FBXO38: variants seen among roughly 807,000 people sequenced by gnomAD.
FBXO38 encodes the protein F-box protein 38, also known as F-box only protein 38.
A neutral mutation model predicts 131.9 loss-of-function variants in FBXO38; 53 were observed. That is an observed-to-expected ratio of 0.40 (90% CI 0.32 to 0.51). FBXO38 has a LOEUF of 0.51. FBXO38 is among the 20% of genes least tolerant of loss of function. The probability of loss-of-function intolerance (pLI) is 0.53; values close to 1 mark genes in which losing one functional copy is unlikely to be tolerated. For synonymous variants in FBXO38, 452 were observed against 505.6 expected (o/e 0.89, Z 1.42); for missense variants, 1,076 against 1,475.6 (o/e 0.73, Z 4.44).
Position 148,427,371 on chromosome 5 carries a change from G to C in FBXO38, c.2077G>C (p.Glu693Gln). 1.2e-6 allele frequency: 2 copies of C among 1,613,952 alleles called. No individual in the cohort carries two copies. The highest frequency in any genetic ancestry group is 1.7e-6 in the Non-Finnish European group (2 of 1,179,986). Residue 693 changes from glutamate (E) to glutamine (Q), a missense_variant, in exon 15 of 22, where the codon GAA becomes CAA. Around this residue, in one of 8 missense-constraint regions of FBXO38, gnomAD observed 213 missense variants for 225.2 expected, o/e 0.95. Transcript: ENST00000340253. ...ADMKAARDIP[E>Q]KKKNKDVYPS... ...TATGAAAGCAGCTAGGGATATTCCT[G>C]AAAAGAAAAAAAACAAGGATGTTTA...
chr5:148,438,498 G>A lies in FBXO38; in HGVS notation c.3024G>A (p.Gln1008=). The A allele has an allele frequency of 6.2e-7, 1 of 1,606,992 alleles. No homozygotes were observed. The highest frequency in any genetic ancestry group is 8.5e-7 in the Non-Finnish European group (1 of 1,177,264). The change falls in exon 18 of 22, where the codon CAG becomes CAA. Residue 1008 remains glutamine (Q), a splice_region_variant and synonymous_variant. Transcript: ENST00000340253. ...NRIIYLRPMQ[Q]VDTLTLEQKL... is the part of the protein sequence containing the mutation. Reference sequence around the variant, plus strand: ...TCATATACCTACGCCCAATGCAGCAGGTAACGAGCTTTGCTTCTTTCCGAT... The same window carrying A: ...TCATATACCTACGCCCAATGCAGCAAGTAACGAGCTTTGCTTCTTTCCGAT...
intron 2 of FBXO38, among the ~76,000 whole-genome samples, chr5:148,395,477 T>C (rs1333032172): frequency 1.3e-5 from 2 of 152,088 alleles, no homozygotes; most frequent in East Asian, 3.9e-4. Context: ...CAACTGTTTT[T>C]TTTTTTTTAA....
intron 2 of FBXO38, among the ~76,000 whole-genome samples, chr5:148,395,429 T>G (rs796875542): frequency 3.3e-5 from 5 of 151,730 alleles, no homozygotes; most frequent in African/African-American, 1.2e-4. Flanking sequence ...CAAAAAGACT[T>G]CTAAAAAAAT....
At chr5:148,432,074 C>G (rs1177380017) in intron 15 of FBXO38, among the ~76,000 whole-genome samples, 1 of 152,018 alleles carries the variant, frequency 6.6e-6, no homozygotes, top group Non-Finnish European at 1.5e-5. Context: ...TTTTTGTGAT[C>G]TTTCATGTTT....
intron 3 of FBXO38, among the ~76,000 whole-genome samples, chr5:148,399,922 A>C (rs376088070): frequency 4.6e-5 from 7 of 151,928 alleles, no homozygotes; most frequent in African/African-American, 1.7e-4. Flanking sequence ...GGAACCAAAA[A>C]ATAAAAATAA....
intron 5 of FBXO38, among the ~76,000 whole-genome samples, chr5:148,403,444 T>C (rs1752275327): frequency 6.8e-6 from 1 of 147,198 alleles, no homozygotes; most frequent in Non-Finnish European, 1.5e-5. Context: ...CTGTCTTCTC[T>C]GCATCTGTCT....
At position 148,421,482 on chromosome 5, in the gene FBXO38, T is replaced by C. The variant is rs60362479; in HGVS notation, c.1619-2516T>C. Reference sequence around the variant, plus strand: ...ATCTGATAATAAATTTCTATTAATTTATGCAACAATTTCACTGCATAAAAA... The same window carrying C: ...ATCTGATAATAAATTTCTATTAATTCATGCAACAATTTCACTGCATAAAAA... On this transcript the variant is annotated intron_variant, in intron 12 of 21. Transcript: ENST00000340253. Among the ~76,000 whole-genome samples the C allele has an allele frequency of 8.9e-3, 1,352 of 152,300 alleles. 18 individuals carry two copies. The highest frequency in any genetic ancestry group is 0.031 in the African/African-American group (1,296 of 41,558).
Position 148,409,116 on chromosome 5 carries a change from G to A in FBXO38, c.869-8G>A, listed in dbSNP as rs777036251. The A allele has an allele frequency of 1.3e-5, 21 of 1,575,586 alleles. No homozygotes were observed. Among genetic ancestry groups the A allele is most frequent in the African/African-American group, 5.4e-5 (4 of 74,030 alleles). On this transcript the variant is annotated splice_polypyrimidine_tract_variant and splice_region_variant and intron_variant, in intron 7 of 21. Transcript: ENST00000340253. ...GGTCAAACACTTGTTTTTGTTCCTCGTCTTTAGGTGGTTTTAGAAATTTGC... is the reference window on the plus strand; with the variant it reads ...GGTCAAACACTTGTTTTTGTTCCTCATCTTTAGGTGGTTTTAGAAATTTGC...
At position 148,425,540 on chromosome 5, in the gene FBXO38, G is replaced by C. The variant is rs369833842; in HGVS notation, c.1757G>C (p.Arg586Pro). 5 of 1,613,220 alleles carry C rather than the reference G, an allele frequency of 3.1e-6. No individual in the cohort carries two copies. Among genetic ancestry groups the C allele is most frequent in the Middle Eastern group, 3.3e-4 (2 of 6,080 alleles). Residue 586 changes from arginine (R) to proline (P), a missense_variant, in exon 14 of 22, where the codon CGT becomes CCT. Coordinates refer to ENST00000340253, the MANE Select transcript of FBXO38 (RefSeq NM_205836.3). ...EEQAGPSGLQRVVKPTSITVH... is the reference protein window; with the variant it reads ...EEQAGPSGLQPVVKPTSITVH... The stretch of plus-strand genomic sequence containing the variant: ...TTTTAAGGACCCAGTGGTCTTCAGC[G>C]TGTAGTAAAACCAACCTCAATTACT...
At chr5:148,412,477 A>G (rs1398441616) in intron 9 of FBXO38, among the ~76,000 whole-genome samples, 1 of 152,192 alleles carries the variant, frequency 6.6e-6, no homozygotes, top group African/African-American at 2.4e-5. Flanking sequence ...AAATAGAAAC[A>G]TCACCTTTGT....
chr5:148,407,657 G>A (rs958654419), intron 7 of FBXO38, among the ~76,000 whole-genome samples: 2 of 152,020 alleles, frequency 1.3e-5, no homozygotes, highest in Admixed American at 6.5e-5. Flanking sequence ...GGGCGCAGTG[G>A]CCCACGCCTG....
At chr5:148,437,951 C>G (rs1316458407) in intron 17 of FBXO38, among the ~76,000 whole-genome samples, 1 of 152,042 alleles carries the variant, frequency 6.6e-6, no homozygotes, top group Non-Finnish European at 1.5e-5. Flanking sequence ...AAATCCAACT[C>G]TGCTCATTCC....
At chr5:148,418,701 C>T (rs1246785536) in intron 12 of FBXO38, among the ~76,000 whole-genome samples, 2 of 152,202 alleles carry the variant, frequency 1.3e-5, no homozygotes, top group Admixed American at 6.5e-5. Flanking sequence ...GGGAAACTTA[C>T]AGCAGCTGCC....
chr5:148,410,719 GT>G lies in FBXO38; in HGVS notation c.1050del (p.Phe350LeufsTer6). The stretch of plus-strand genomic sequence containing the variant: ...AGATGGCAGAGTTGGAGTTTCCCCA[GT>G]TTGAAACCCTTCATCTAGGATATGT... ...LKMAELEFPQ[F>X]ETLHLGYVDE... is the part of the protein sequence containing the mutation. On this transcript the variant is annotated frameshift_variant, in exon 9 of 22. Transcript: ENST00000340253. LOFTEE classifies it high-confidence loss of function. 1 of 1,613,936 alleles carries G rather than the reference GT, an allele frequency of 6.2e-7. No homozygotes were observed. Among genetic ancestry groups the G allele is most frequent in the Non-Finnish European group, 8.5e-7 (1 of 1,179,918 alleles).
At chr5:148,408,605 C>T (rs1420242404) in intron 7 of FBXO38, among the ~76,000 whole-genome samples, 1 of 152,068 alleles carries the variant, frequency 6.6e-6, no homozygotes, top group Non-Finnish European at 1.5e-5. Flanking sequence ...GTAAAAGAAG[C>T]CAGACACAAA....
chr5:148,432,522 A>G (rs1489561766), intron 15 of FBXO38, among the ~76,000 whole-genome samples: 1 of 152,212 alleles, frequency 6.6e-6, no homozygotes, highest in Non-Finnish European at 1.5e-5. Flanking sequence ...GTTTCCTAAT[A>G]TGTAAAACAG....
At chr5:148,409,791 A>G (rs1460906602) in intron 8 of FBXO38, among the ~76,000 whole-genome samples, 1 of 152,244 alleles carries the variant, frequency 6.6e-6, no homozygotes, top group Non-Finnish European at 1.5e-5. Context: ...ATTCAGAAAC[A>G]AAGCTTTTTC....
chr5:148,413,320 GCAGCTTCAC>G (rs1752867180), intron 9 of FBXO38: 1 of 151,466 alleles, frequency 6.6e-6, no homozygotes, highest in Admixed American at 6.6e-5. Context: ...GATATTCAGG[GCAGCTTCAC>G]CAGAGTGGCA....
rs2113627744 is a variant in FBXO38 at position 148,427,379 on chromosome 5, A to G, written c.2085A>G (p.Lys695=). The G allele has an allele frequency of 6.2e-7, 1 of 1,614,200 alleles. No individual in the cohort carries two copies. Among genetic ancestry groups the G allele is most frequent in the Non-Finnish European group, 8.5e-7 (1 of 1,180,034 alleles). Residue 695 remains lysine, a synonymous_variant, in exon 15 of 22, where the codon AAA becomes AAG. Coordinates refer to ENST00000340253, the MANE Select transcript of FBXO38 (RefSeq NM_205836.3). ...MKAARDIPEK[K]KNKDVYPSCS... ...CAGCTAGGGATATTCCTGAAAAGAA[A>G]AAAAACAAGGATGTTTATCCCAGCT...
Sources: gnomAD v4.1 joint callset for allele counts (sites outside exome capture counted in the v4.1 genomes callset) on GRCh38, gnomAD v4.1.1 for gene constraint, gnomAD v4.1.1 regional missense constraint, MANE v1.5 for transcripts, NCBI Gene and HGNC (gene_info 2026-07-23, HGNC 2026-07-21) for gene names.